The following TBCD variants were observed in gnomAD, a reference collection of about 807,000 sequenced individuals.
TBCD encodes tubulin folding cofactor D.
In TBCD, 105 loss-of-function variants were observed where a neutral mutation model predicts 169.3. The ratio of observed to expected loss-of-function variants is 0.62; its 90% CI spans 0.53 to 0.73. The LOEUF (loss-of-function observed/expected upper bound fraction) is 0.73. TBCD is among the 30% of genes least tolerant of loss of function. The pLI is 0.00. For synonymous variants in TBCD, 700 were observed against 643.9 expected (o/e 1.09, Z -1.32); for missense variants, 1,444 against 1,600.1 (o/e 0.90, Z 1.66).
At chr17:82,821,818 C>T (rs770838705) in intron 13 of TBCD, among the ~76,000 whole-genome samples, 6 of 151,974 alleles carry the variant, frequency 3.9e-5, no homozygotes, top group Admixed American at 2.0e-4. Flanking sequence ...CCCTGCATGT[C>T]GGAAATACAG....
chr17:82,894,284 C>T (rs2146475896), intron 17 of TBCD, among the ~76,000 whole-genome samples: 1 of 152,180 alleles, frequency 6.6e-6, no homozygotes, highest in Non-Finnish European at 1.5e-5. Flanking sequence ...TTAGTTGATC[C>T]ATTGCAGCAG....
chr17:82,896,012 C>T (rs1467297890), intron 17 of TBCD: 1 of 152,200 alleles, frequency 6.6e-6, no homozygotes, highest in Non-Finnish European at 1.5e-5. Flanking sequence ...TAAATGTTAA[C>T]ATCTGTAAAT....
At position 82,923,540 on chromosome 17, in the gene TBCD, A is replaced by G; in HGVS notation, c.2179-112A>G. 1.2e-6 allele frequency: 1 copy of G among 867,636 alleles called. No homozygotes were observed. Among genetic ancestry groups the G allele is most frequent in the Non-Finnish European group, 1.8e-6 (1 of 551,152 alleles). 53.7% of individuals were successfully genotyped at this position (867,636 alleles called of 1,614,324 possible). A position where few individuals can be genotyped will look rare whatever the true frequency, so the allele number is the denominator to read the frequency against. On this transcript the variant is annotated intron_variant, in intron 25 of 38. Transcript: ENST00000355528. This position sits in a 1 kb window ranked among gnomAD's most constrained non-coding sequence, Gnocchi z 4.6. ...GGGCTGCTCTGACCTCAGGGTGACC[A>G]CGGTGTCCCTGGTCAGGTGCTTCTC...
intron 18 of TBCD, among the ~76,000 whole-genome samples, chr17:82,902,908 C>T (rs1035209972): frequency 3.9e-5 from 6 of 152,108 alleles, no homozygotes; most frequent in African/African-American, 1.4e-4. Flanking sequence ...AGGAGGGGCT[C>T]CAGCCTCTTG....
rs567332092 is a variant in TBCD at position 82,823,424 on chromosome 17, T to A, written c.1318+8490T>A. 8.5e-5 allele frequency among the ~76,000 whole-genome samples: 13 copies of A among 152,376 alleles called. No individual in the cohort carries two copies. The South Asian group carries it at 1.7e-3, about 19-fold the overall frequency. ...CAGGTTTTCAGGAAAATGCAAAGCA[T>A]GAGACATCTTTGACTTTGTACGTGG... On this transcript the variant is annotated intron_variant, in intron 13 of 38. Transcript: ENST00000355528.
In TBCD at chr17:82,805,891, C is replaced by A; in HGVS notation, c.967C>A (p.Arg323=). The part of the protein sequence containing the change: ...VAAWRYQRGC[R]SLAANLQLLT... ...TTTGCACAGGTACCAGCGTGGCTGC[C>A]GATCTTTGGCTGCAAATCTGCAGCT... The change falls in exon 10 of 39, where the codon CGA becomes AGA. Residue 323 remains arginine, a synonymous_variant. Coordinates refer to ENST00000355528, the MANE Select transcript of TBCD (RefSeq NM_005993.5). 1 of 1,609,290 alleles carries A rather than the reference C, an allele frequency of 6.2e-7. No individual in the cohort carries two copies. The highest frequency in any genetic ancestry group is 1.1e-5 in the South Asian group (1 of 90,990).
At chr17:82,928,067 G>C (rs2147278247) in intron 30 of TBCD, 79 bp downstream of exon 30, 1 of 1,290,990 alleles carries the variant, frequency 7.7e-7, no homozygotes, top group Middle Eastern at 1.8e-4. Flanking sequence ...GGGCGGTCCT[G>C]GTGCTCAGTG....
At chr17:82,877,673 C>T (rs903691912) in intron 14 of TBCD, among the ~76,000 whole-genome samples, 2 of 152,188 alleles carry the variant, frequency 1.3e-5, no homozygotes, top group Non-Finnish European at 2.9e-5. Context: ...TAGAAGATCA[C>T]ATTCATATGT....
At position 82,832,563 on chromosome 17, in the gene TBCD, C is replaced by T. The variant is rs772358215; in HGVS notation, c.1318+17629C>T. On this transcript the variant is annotated intron_variant, in intron 13 of 38. Coordinates refer to ENST00000355528, the MANE Select transcript of TBCD (RefSeq NM_005993.5). This position sits in a 1 kb window ranked among gnomAD's most constrained non-coding sequence, Gnocchi z 4.9. ...GCACCTCCCGCTTTGCTTTCTTTCCCGATCACTTCTATCAGAAGCCAGCTC... is the reference window on the plus strand; with the variant it reads ...GCACCTCCCGCTTTGCTTTCTTTCCTGATCACTTCTATCAGAAGCCAGCTC... 3.0e-5 allele frequency: 29 copies of T among 982,350 alleles called. No individual in the cohort carries two copies. The highest frequency in any genetic ancestry group is 1.5e-4 in the East Asian group (6 of 40,062). The allele number at this position is 982,350 out of a possible 1,614,324, so 60.9% of individuals were successfully genotyped here.
intron 13 of TBCD, among the ~76,000 whole-genome samples, chr17:82,816,918 C>G (rs1345081282): frequency 6.7e-6 from 1 of 149,394 alleles, no homozygotes; most frequent in Admixed American, 6.7e-5. Context: ...TTTTCATCTG[C>G]TTTTCCCCAG....
intron 23 of TBCD, among the ~76,000 whole-genome samples, chr17:82,917,756 C>G (rs190218999): frequency 6.6e-6 from 1 of 152,190 alleles, no homozygotes; most frequent in African/African-American, 2.4e-5. Flanking sequence ...AGGGCTCTAC[C>G]GCTTCTCCCT....
chr17:82,793,580 C>CA (rs1215687819), intron 7 of TBCD, among the ~76,000 whole-genome samples: 1 of 152,236 alleles, frequency 6.6e-6, no homozygotes, highest in Non-Finnish European at 1.5e-5. Flanking sequence ...GCACGTCCTG[C>CA]AGGGTGCAGC....
rs770748492 is a variant in TBCD at position 82,781,750 on chromosome 17, A to T, written c.771+29A>T. 2.5e-6 allele frequency: 4 copies of T among 1,607,372 alleles called. No individual in the cohort carries two copies. In the Admixed American group the frequency reaches 6.7e-5, roughly 27 times the overall value. On this transcript the variant is annotated intron_variant, in intron 7 of 38. Coordinates refer to ENST00000355528, the MANE Select transcript of TBCD (RefSeq NM_005993.5). Reference sequence around the variant, plus strand: ...AGTGCTGCCCGCAGGGGCTGTGGAGATCGCAGGGAAATGGCGCCTTACATG... The same window carrying T: ...AGTGCTGCCCGCAGGGGCTGTGGAGTTCGCAGGGAAATGGCGCCTTACATG...
intron 8 of TBCD, among the ~76,000 whole-genome samples, chr17:82,799,529 T>C (rs2144650385): frequency 6.6e-6 from 1 of 152,156 alleles, no homozygotes; most frequent in East Asian, 1.9e-4. Context: ...ATGGAAAATT[T>C]GAAACATGTA....
At chr17:82,820,734 CT>C (rs1374177294) in intron 13 of TBCD, among the ~76,000 whole-genome samples, 1 of 151,924 alleles carries the variant, frequency 6.6e-6, no homozygotes, top group Admixed American at 6.6e-5. Context: ...AGGTTCTGCC[CT>C]CATTTCAGCT....
chr17:82,912,563 G>A (rs770022131), intron 23 of TBCD, among the ~76,000 whole-genome samples: 3 of 152,336 alleles, frequency 2.0e-5, no homozygotes, highest in Admixed American at 6.5e-5. Context: ...TCAGCCCCTC[G>A]CTGTGGGACT....
At chr17:82,786,481 G>A (rs1019640920) in intron 7 of TBCD, among the ~76,000 whole-genome samples, 4 of 152,292 alleles carry the variant, frequency 2.6e-5, no homozygotes, top group East Asian at 1.9e-4. Flanking sequence ...GGCTTCTAGG[G>A]GTCTCCTGCA....
intron 6 of TBCD, among the ~76,000 whole-genome samples, chr17:82,777,249 C>A (rs952166752): frequency 2.0e-5 from 3 of 152,142 alleles, no homozygotes; most frequent in African/African-American, 7.2e-5. Context: ...AGTAGAACCC[C>A]GCCCTTCCCA....
chr17:82,770,904 A>G (rs1410817100), intron 5 of TBCD, among the ~76,000 whole-genome samples: 1 of 151,934 alleles, frequency 6.6e-6, no homozygotes, highest in Admixed American at 6.6e-5. Context: ...ATCCTTTCAT[A>G]TTTATTCAAC....
Sources: gnomAD v4.1 joint callset for allele counts (sites outside exome capture counted in the v4.1 genomes callset) on GRCh38, gnomAD v4.1.1 for gene constraint, Gnocchi (gnomAD v3.1) non-coding constraint, MANE v1.5 for transcripts, NCBI Gene and HGNC (gene_info 2026-07-23, HGNC 2026-07-21) for gene names.